The following CTTNBP2 variants were observed in gnomAD, a reference collection of about 807,000 sequenced individuals.
CTTNBP2 encodes the protein cortactin binding protein 2.
A neutral mutation model predicts 156.9 loss-of-function variants in CTTNBP2; 108 were observed. That is an observed-to-expected ratio of 0.69 (90% CI 0.59 to 0.81). The LOEUF is 0.81. Ranked by LOEUF, CTTNBP2 falls within the 30% of genes least tolerant of loss-of-function variation. The pLI, the probability that CTTNBP2 is intolerant of heterozygous loss-of-function variation, is 0.00. For synonymous variants in CTTNBP2, 767 were observed against 751.8 expected (o/e 1.02, Z -0.33); for missense variants, 1,924 against 2,035.4 (o/e 0.95, Z 1.05).
chr7:117,836,876 G>A (rs1472477180), intron 2 of CTTNBP2, among the ~76,000 whole-genome samples: 3 of 152,110 alleles, frequency 2.0e-5, no homozygotes, highest in African/African-American at 7.2e-5. Context: ...GAACAGTATG[G>A]GGGAAACCGC....
intron 2 of CTTNBP2, among the ~76,000 whole-genome samples, chr7:117,834,255 T>G (rs1801794635): frequency 6.6e-6 from 1 of 152,020 alleles, no homozygotes; most frequent in Admixed American, 6.5e-5. Flanking sequence ...GGGTTTCACC[T>G]TTTTGGTCAG....
chr7:117,736,881 A>G (rs998440502), intron 14 of CTTNBP2, among the ~76,000 whole-genome samples: 1 of 152,228 alleles, frequency 6.6e-6, no homozygotes, highest in African/African-American at 2.4e-5. Context: ...CCAGTTTAGG[A>G]TACTTGAGAG....
intron 2 of CTTNBP2, among the ~76,000 whole-genome samples, chr7:117,840,720 C>T (rs1272792959): frequency 6.6e-6 from 1 of 152,144 alleles, no homozygotes; most frequent in Non-Finnish European, 1.5e-5. Context: ...CAATTATTTC[C>T]AGTATCACTG....
At chr7:117,768,373 C>T (rs1228826904) in intron 8 of CTTNBP2, among the ~76,000 whole-genome samples, 1 of 151,752 alleles carries the variant, frequency 6.6e-6, no homozygotes, top group African/African-American at 2.4e-5. Context: ...ACCAGCCTGG[C>T]CTGGCCAACA....
intron 8 of CTTNBP2, among the ~76,000 whole-genome samples, chr7:117,776,888 A>G (rs1444021958): frequency 6.6e-6 from 1 of 152,244 alleles, no homozygotes; most frequent in East Asian, 1.9e-4. Flanking sequence ...AAATGTTAGC[A>G]CGCACAGTGC....
chr7:117,741,152 A>C (rs1332810614), intron 14 of CTTNBP2, among the ~76,000 whole-genome samples: 1 of 152,162 alleles, frequency 6.6e-6, no homozygotes, highest in African/African-American at 2.4e-5. Flanking sequence ...AGGAAATATG[A>C]AAGGTTAATG....
intron 8 of CTTNBP2, among the ~76,000 whole-genome samples, chr7:117,775,384 T>TGTGGAAATCAATGACAATGCCAC (rs1798038340): frequency 6.6e-6 from 1 of 151,972 alleles, no homozygotes; most frequent in Non-Finnish European, 1.5e-5. Flanking sequence ...GACAATGCCA[T>TGTGGAAATCAATGACAATGCCAC]GTGGAAATCA....
At chr7:117,773,709 C>CACA (rs1797935763) in intron 8 of CTTNBP2, among the ~76,000 whole-genome samples, 1 of 98,226 alleles carries the variant, frequency 1.0e-5, no homozygotes, top group Admixed American at 1.0e-4. Context: ...ACACACACAC[C>CACA]CCAAAAAACA....
chr7:117,810,747 A>G lies in CTTNBP2; in HGVS notation c.414+18T>C, dbSNP rs747503950. 1 of 1,604,434 alleles carries G rather than the reference A, an allele frequency of 6.2e-7. No homozygotes were observed. Among genetic ancestry groups the G allele is most frequent in the East Asian group, 2.2e-5 (1 of 44,838 alleles). ...ACACCATGTTGTGGGGAAAATGACC[A>G]TTTGAACGCCTCAATACCTTCTTTT... On this transcript the variant is annotated intron_variant, in intron 3 of 22. Transcript: ENST00000160373.
intron 8 of CTTNBP2, among the ~76,000 whole-genome samples, chr7:117,774,207 C>T (rs371253209): frequency 9.4e-4 from 143 of 152,218 alleles, no homozygotes; most frequent in African/African-American, 3.3e-3. Flanking sequence ...TGGTGGTCTG[C>T]ACAAATTTCT....
At chr7:117,773,028 A>C (rs189064717) in intron 8 of CTTNBP2, among the ~76,000 whole-genome samples, 1 of 152,228 alleles carries the variant, frequency 6.6e-6, no homozygotes. Flanking sequence ...TTAATAGAAA[A>C]AAAGGAAATA....
At chr7:117,774,814 A>AT (rs922212864) in intron 8 of CTTNBP2, among the ~76,000 whole-genome samples, 7 of 152,140 alleles carry the variant, frequency 4.6e-5, no homozygotes, top group African/African-American at 1.4e-4. Context: ...GATTAGACAA[A>AT]TGTATGCTAG....
chr7:117,872,977 G>A (rs572364262), intron 1 of CTTNBP2, among the ~76,000 whole-genome samples: 1 of 152,178 alleles, frequency 6.6e-6, no homozygotes, highest in East Asian at 2.0e-4. Context: ...GGTCAAATTC[G>A]CCAGGAAACA....
intron 8 of CTTNBP2, among the ~76,000 whole-genome samples, chr7:117,775,750 T>G (rs555123214): frequency 6.6e-6 from 1 of 152,236 alleles, no homozygotes; most frequent in Non-Finnish European, 1.5e-5. Context: ...AGATTAACTG[T>G]GCATATTCAA....
intron 2 of CTTNBP2, among the ~76,000 whole-genome samples, chr7:117,840,350 T>C (rs1408752666): frequency 1.3e-5 from 2 of 151,608 alleles, no homozygotes; most frequent in South Asian, 2.1e-4. Flanking sequence ...AGGCAAATAA[T>C]AGAATCTTAA....
intron 3 of CTTNBP2, among the ~76,000 whole-genome samples, chr7:117,795,538 T>C (rs1254003069): frequency 6.6e-6 from 1 of 152,182 alleles, no homozygotes; most frequent in Non-Finnish European, 1.5e-5. Context: ...CCTAATGTCA[T>C]CCAGCTAATG....
intron 1 of CTTNBP2, chr7:117,871,793 CCACACACA>C (rs10545703): frequency 0.02 from 4,262 of 213,374 alleles, 92 homozygotes; most frequent in Non-Finnish European, 0.021. Context: ...AAGAAACACA[CCACACACA>C]CACACACACA....
intron 3 of CTTNBP2, chr7:117,793,681 AG>A (rs1799161055): frequency 6.6e-6 from 1 of 152,236 alleles, no homozygotes; most frequent in South Asian, 2.1e-4. Flanking sequence ...GCATGAAGAC[AG>A]GGGTGCCTTT....
chr7:117,716,741 G>A (rs1304598570), intron 22 of CTTNBP2, among the ~76,000 whole-genome samples: 14 of 152,262 alleles, frequency 9.2e-5, no homozygotes, highest in East Asian at 1.9e-4. Context: ...TAAATATTTT[G>A]TATTAGAGCC....
Sources: allele counts gnomAD v4.1 joint callset (sites outside exome capture counted in the v4.1 genomes callset), GRCh38; gene constraint gnomAD v4.1.1; transcripts MANE v1.5; gene names NCBI Gene and HGNC (gene_info 2026-07-23, HGNC 2026-07-21).